NXPH1: variants seen among roughly 807,000 people sequenced by gnomAD.
The protein encoded by NXPH1 is neurexophilin-1.
In NXPH1, 5 loss-of-function variants were observed where a neutral mutation model predicts 23.7. The observed-to-expected ratio is 0.21, with a 90% CI of 0.11 to 0.44. NXPH1 has a LOEUF of 0.44. NXPH1 is among the 20% of genes least tolerant of loss of function. The pLI, the probability that NXPH1 is intolerant of heterozygous loss-of-function variation, is 0.99. For synonymous variants in NXPH1, 144 were observed against 122.2 expected (o/e 1.18, Z -1.18); for missense variants, 324 against 321.6 (o/e 1.01, Z -0.06).
intron 2 of NXPH1, among the ~76,000 whole-genome samples, chr7:8,536,631 T>C (rs1185990172): frequency 6.6e-6 from 1 of 151,890 alleles, no homozygotes; most frequent in East Asian, 1.9e-4. Context: ...GTGACGTCAT[T>C]GGTTCACTTG....
chr7:8,606,199 A>T (rs1400768672), intron 2 of NXPH1, among the ~76,000 whole-genome samples: 2 of 152,140 alleles, frequency 1.3e-5, no homozygotes, highest in Non-Finnish European at 2.9e-5. Flanking sequence ...TATTACATTT[A>T]GGAAACAGAT....
chr7:8,659,597 G>A (rs892393847), intron 2 of NXPH1, among the ~76,000 whole-genome samples: 2 of 152,128 alleles, frequency 1.3e-5, no homozygotes, highest in African/African-American at 2.4e-5. Context: ...TGGGGGCAGT[G>A]GGGAGGGATA....
chr7:8,675,776 G>C lies in NXPH1; in HGVS notation c.55-75232G>C, dbSNP rs556299003. 2.6e-5 allele frequency among the ~76,000 whole-genome samples: 4 copies of C among 152,248 alleles called. No individual in the cohort carries two copies. The South Asian group carries it at 8.3e-4, about 32-fold the overall frequency. ...CATTCCCCCAAAAGGATAACACATG[G>C]AAAGATATGGAGGCCTTGCATGGAC... On this transcript the variant is annotated intron_variant, in intron 2 of 2. Transcript: ENST00000405863.
intron 2 of NXPH1, among the ~76,000 whole-genome samples, chr7:8,645,272 A>G (rs1246165566): frequency 1.3e-5 from 2 of 152,274 alleles, no homozygotes; most frequent in East Asian, 3.9e-4. Flanking sequence ...TGTACCCAGT[A>G]CATTTCCACA....
chr7:8,654,244 ATTTAC>A (rs1385839868), intron 2 of NXPH1, among the ~76,000 whole-genome samples: 1 of 151,982 alleles, frequency 6.6e-6, no homozygotes, highest in African/African-American at 2.4e-5. Context: ...CAAGTAAGTC[ATTTAC>A]CACAGATTTC....
rs748848772 is a variant in NXPH1, at chr7:8,461,836, C to CAAAAAAAAAAAA, written c.54+26073_54+26084dup. On this transcript the variant is annotated intron_variant, in intron 2 of 2. Coordinates refer to ENST00000405863, the MANE Select transcript of NXPH1 (RefSeq NM_152745.3). ...TGGGCGACAGAGCGAGACTCCGTCT[C>CAAAAAAAAAAAA]AAAAAAAAAAAAAAAGAATAAACAC... is the stretch of plus-strand genomic sequence containing the variant. 1.2e-3 allele frequency among the ~76,000 whole-genome samples: 49 copies of CAAAAAAAAAAAA among 41,724 alleles called. 1 individual carries two copies. Among genetic ancestry groups the CAAAAAAAAAAAA allele is most frequent in the African/African-American group, 3.7e-3 (43 of 11,606 alleles). The allele number at this position is 41,724 out of a possible 152,430, so 27.4% of individuals were successfully genotyped here.
chr7:8,716,927 A>T (rs895945390), intron 2 of NXPH1, among the ~76,000 whole-genome samples: 2 of 152,194 alleles, frequency 1.3e-5, no homozygotes, highest in Non-Finnish European at 2.9e-5. Context: ...AATGCACAGT[A>T]TCTAAAGGGT....
intron 2 of NXPH1, among the ~76,000 whole-genome samples, chr7:8,591,522 T>C (rs1358603465): frequency 6.6e-6 from 1 of 152,074 alleles, no homozygotes; most frequent in Admixed American, 6.6e-5. Context: ...TTTAAGATTC[T>C]TATCTCCTCC....
At chr7:8,454,987 A>G (rs1002691787) in intron 2 of NXPH1, among the ~76,000 whole-genome samples, 5 of 152,210 alleles carry the variant, frequency 3.3e-5, no homozygotes, top group Admixed American at 6.5e-5. Flanking sequence ...AAGATATTAA[A>G]AAATAGTCTA....
chr7:8,532,468 T>TTGG (rs796667727), intron 2 of NXPH1, among the ~76,000 whole-genome samples: 8 of 20,790 alleles, frequency 3.8e-4, no homozygotes, highest in Admixed American at 7.0e-4. Flanking sequence ...ATATTTTTTT[T>TTGG]GGGGGGGGGG....
chr7:8,543,935 A>T (rs910068533), intron 2 of NXPH1, among the ~76,000 whole-genome samples: 3 of 151,552 alleles, frequency 2.0e-5, no homozygotes, highest in African/African-American at 7.3e-5. Context: ...GAATTAATTT[A>T]GCTCGGTTCT....
At chr7:8,553,544 G>C (rs1049034947) in intron 2 of NXPH1, among the ~76,000 whole-genome samples, 1 of 151,448 alleles carries the variant, frequency 6.6e-6, no homozygotes, top group African/African-American at 2.4e-5. Context: ...AGATACCCAG[G>C]TTTTAGCCTT....
chr7:8,460,640 A>G (rs1369390928), intron 2 of NXPH1, among the ~76,000 whole-genome samples: 1 of 152,210 alleles, frequency 6.6e-6, no homozygotes, highest in African/African-American at 2.4e-5. Flanking sequence ...AGATGAGTAG[A>G]AAGTTAGGGG....
intron 2 of NXPH1, among the ~76,000 whole-genome samples, chr7:8,475,045 T>C (rs1186772899): frequency 6.6e-6 from 1 of 152,074 alleles, no homozygotes; most frequent in Non-Finnish European, 1.5e-5. Flanking sequence ...GCCATCCTGG[T>C]TTATGGAGAG....
At chr7:8,510,643 T>C (rs1364747497) in intron 2 of NXPH1, among the ~76,000 whole-genome samples, 1 of 152,150 alleles carries the variant, frequency 6.6e-6, no homozygotes, top group Non-Finnish European at 1.5e-5. Context: ...GAAAGCCTGC[T>C]CCTTTTTGAA....
At chr7:8,709,918 T>C (rs1779760619) in intron 2 of NXPH1, among the ~76,000 whole-genome samples, 1 of 152,200 alleles carries the variant, frequency 6.6e-6, no homozygotes, top group African/African-American at 2.4e-5. Context: ...GCCTCAGGAA[T>C]CCATTGAACC....
At chr7:8,619,942 A>G (rs1819829393) in intron 2 of NXPH1, among the ~76,000 whole-genome samples, 2 of 152,132 alleles carry the variant, frequency 1.3e-5, no homozygotes, top group African/African-American at 4.8e-5. Context: ...CTAAAATCCA[A>G]GACTTAAGGC....
chr7:8,726,335 T>A lies in NXPH1; in HGVS notation c.55-24673T>A, dbSNP rs187964527. The stretch of plus-strand genomic sequence containing the variant: ...TTTTCATTTTTTTGTTTGTTTTTTT[T>A]AAATGTATTATTATTATACTTTAAG... On this transcript the variant is annotated intron_variant, in intron 2 of 2. Coordinates refer to ENST00000405863, the MANE Select transcript of NXPH1 (RefSeq NM_152745.3). 3.0e-4 allele frequency among the ~76,000 whole-genome samples: 46 copies of A among 152,208 alleles called. 1 individual carries two copies. Among genetic ancestry groups the A allele is most frequent in the Non-Finnish European group, 4.7e-4 (32 of 68,000 alleles).
intron 2 of NXPH1, among the ~76,000 whole-genome samples, chr7:8,579,988 A>G (rs925499691): frequency 6.6e-6 from 1 of 152,220 alleles, no homozygotes; most frequent in African/African-American, 2.4e-5. Context: ...GTTATCAGAA[A>G]CAGTGAGTGG....
Sources: gnomAD v4.1 joint callset for allele counts (sites outside exome capture counted in the v4.1 genomes callset) on GRCh38, gnomAD v4.1.1 for gene constraint, MANE v1.5 for transcripts, NCBI Gene and HGNC (gene_info 2026-07-23, HGNC 2026-07-21) for gene names.